The following PLPP7 variants were observed in gnomAD, a reference collection of about 807,000 sequenced individuals.
The protein encoded by PLPP7 is phospholipid phosphatase 7 (inactive), also known as inactive phospholipid phosphatase 7.
A neutral mutation model predicts 16.9 loss-of-function variants in PLPP7; 11 were observed. The observed-to-expected ratio is 0.65, with a 90% CI of 0.41 to 1.08. The LOEUF (loss-of-function observed/expected upper bound fraction) is 1.08, where lower values mean the gene tolerates loss of function less well. Among genes scored for constraint, PLPP7 ranks in the 50% least tolerant of loss-of-function variants. PLPP7 has a pLI of 0.00. For synonymous variants in PLPP7, 174 were observed against 175.1 expected, an observed-to-expected ratio of 0.99 and a Z score of 0.05; for missense variants, 358 against 397.1, an observed-to-expected ratio of 0.90 and a Z score of 0.84.
Position 131,297,628 on chromosome 9 carries a change from C to A in PLPP7, c.451+7180C>A, listed in dbSNP as rs12342321. On this transcript the variant is annotated intron_variant, in intron 1 of 1. Transcript: ENST00000372264. ...CTCGAACTCCTGAGCTCAAGCTATCCGCCTGCCACCGCCTCCCAAAGTGCT... is the reference window on the plus strand; with the variant it reads ...CTCGAACTCCTGAGCTCAAGCTATCAGCCTGCCACCGCCTCCCAAAGTGCT... Among the ~76,000 whole-genome samples the A allele has an allele frequency of 3.5e-3, 528 of 152,270 alleles. 6 individuals are homozygous for A. The highest frequency in any genetic ancestry group is 0.012 in the African/African-American group (501 of 41,554).
At position 131,305,865 on chromosome 9, in the gene PLPP7, G is replaced by A. The variant is rs566986173; in HGVS notation, c.452-2058G>A. Among the ~76,000 whole-genome samples, 159 of 152,250 alleles carry A rather than the reference G, an allele frequency of 1.0e-3. 3 individuals carry two copies. The highest frequency in any genetic ancestry group is 3.3e-3 in the African/African-American group (139 of 41,560). On this transcript the variant is annotated intron_variant, in intron 1 of 1. Transcript: ENST00000372264. Reference sequence around the variant, plus strand: ...GCTAGTCTCGGACTCCTGGGCTCAAGCAATATGCTCATCTCAGCCTCCCAA... The same window carrying A: ...GCTAGTCTCGGACTCCTGGGCTCAAACAATATGCTCATCTCAGCCTCCCAA...
At chr9:131,303,826 G>A (rs1432582659) in intron 1 of PLPP7, among the ~76,000 whole-genome samples, 1 of 152,158 alleles carries the variant, frequency 6.6e-6, no homozygotes. Context: ...CGTCTCACAG[G>A]TGAGGAAAGT....
rs916068881 is a variant in PLPP7 at position 131,295,126 on chromosome 9, T to A, written c.451+4678T>A. 2.0e-5 allele frequency among the ~76,000 whole-genome samples: 3 copies of A among 151,296 alleles called. No individual in the cohort carries two copies. The highest frequency in any genetic ancestry group is 3.0e-5 in the Non-Finnish European group (2 of 67,780). On this transcript the variant is annotated intron_variant, in intron 1 of 1. Transcript: ENST00000372264. The surrounding 1 kb of genome is among the most constrained non-coding windows in gnomAD (Gnocchi z 4.0). The stretch of plus-strand genomic sequence containing the variant: ...TGAGACTCTGTCTAAAAAAAAAGTA[T>A]CTTTATTGAGATTTTCCTGAATATG...
chr9:131,302,218 C>T (rs561171522), intron 1 of PLPP7, among the ~76,000 whole-genome samples: 76 of 152,284 alleles, frequency 5.0e-4, no homozygotes, highest in Non-Finnish European at 6.2e-4. Flanking sequence ...ACCTGTGACT[C>T]CAGAGCCTTC....
intron 1 of PLPP7, among the ~76,000 whole-genome samples, chr9:131,294,493 A>C (rs1226427017): frequency 2.0e-5 from 3 of 152,052 alleles, no homozygotes; most frequent in Non-Finnish European, 2.9e-5. Context: ...CCCGAGCAGC[A>C]CCCAGCTTGA....
At chr9:131,291,896 T>G (rs1352628459) in intron 1 of PLPP7, among the ~76,000 whole-genome samples, 1 of 152,234 alleles carries the variant, frequency 6.6e-6, no homozygotes, top group Non-Finnish European at 1.5e-5. Flanking sequence ...TTCTTGTTCT[T>G]ATTACTAAAT....
rs139765954 is a variant in PLPP7 at position 131,308,032 on chromosome 9, C to G, written c.561C>G (p.Tyr187Ter). The G allele has an allele frequency of 1.2e-6, 2 of 1,601,138 alleles. No homozygotes were observed. Among genetic ancestry groups the G allele is most frequent in the Non-Finnish European group, 1.7e-6 (2 of 1,179,874 alleles). ...TGGACTACCTCACCATGGACATCTACGCCTTCCCGGCCGGGCACGCCAGCC... is the reference window on the plus strand; with the variant it reads ...TGGACTACCTCACCATGGACATCTAGGCCTTCCCGGCCGGGCACGCCAGCC... ...SLLDYLTMDI[Y>*]AFPAGHASRA... Residue 187 changes from tyrosine to a stop codon, truncating the protein, a stop_gained, in exon 2 of 2, where the codon TAC becomes TAG. Coordinates refer to ENST00000372264, the MANE Select transcript of PLPP7 (RefSeq NM_032728.4). LOFTEE classifies it high-confidence loss of function.
Position 131,308,406 on chromosome 9 carries a change from C to T in PLPP7, c.*119C>T. On this transcript the variant is annotated 3_prime_UTR_variant, in exon 2 of 2. Coordinates refer to ENST00000372264, the MANE Select transcript of PLPP7 (RefSeq NM_032728.4). ...CGGCCAGGAGTCAGAGCGGCCACCC[C>T]CACCTCATCTTCCCCTCCTGGCTGG... The T allele has an allele frequency of 1.4e-6, 2 of 1,409,440 alleles. No individual in the cohort carries two copies. Among genetic ancestry groups the T allele is most frequent in the South Asian group, 1.5e-5 (1 of 66,844 alleles). 87.3% of individuals were successfully genotyped at this position (1,409,440 alleles called of 1,614,324 possible). A position where few individuals can be genotyped will look rare whatever the true frequency, so the allele number is the denominator to read the frequency against.
chr9:131,297,613 T>C (rs1196984333), intron 1 of PLPP7, among the ~76,000 whole-genome samples: 2 of 152,148 alleles, frequency 1.3e-5, no homozygotes, highest in African/African-American at 4.8e-5. Context: ...CTCGAACTCC[T>C]GAGCTCAAGC....
At chr9:131,300,682 A>G (rs563272689) in intron 1 of PLPP7, among the ~76,000 whole-genome samples, 56 of 148,976 alleles carry the variant, frequency 3.8e-4, no homozygotes, top group African/African-American at 1.3e-3. Flanking sequence ...ACACTGTCTC[A>G]AAAGCAGAAA....
At chr9:131,305,232 G>A (rs12552691) in intron 1 of PLPP7, among the ~76,000 whole-genome samples, 1 of 152,294 alleles carries the variant, frequency 6.6e-6, no homozygotes, top group Non-Finnish European at 1.5e-5. Context: ...CAAACAACTC[G>A]ATAGCCATCA....
At chr9:131,299,578 G>A (rs555620516) in intron 1 of PLPP7, among the ~76,000 whole-genome samples, 48 of 152,294 alleles carry the variant, frequency 3.2e-4, no homozygotes, top group African/African-American at 1.1e-3. Context: ...GGCTCTGTTG[G>A]AGAGCTGCCC....
intron 1 of PLPP7, chr9:131,292,868 C>T (rs982869656): frequency 5.2e-5 from 51 of 985,226 alleles, no homozygotes; most frequent in Non-Finnish European, 6.1e-5. Flanking sequence ...AGGCTTCAGG[C>T]TCATTCCAGC....
chr9:131,296,366 C>G (rs778348071), intron 1 of PLPP7, among the ~76,000 whole-genome samples: 2 of 152,134 alleles, frequency 1.3e-5, no homozygotes, highest in Non-Finnish European at 2.9e-5. Flanking sequence ...CAGGTTCAAG[C>G]AATTCTCCTG....
chr9:131,295,917 C>T lies in PLPP7; in HGVS notation c.451+5469C>T, dbSNP rs763226869. Among the ~76,000 whole-genome samples the T allele has an allele frequency of 1.3e-5, 2 of 152,308 alleles. No individual in the cohort carries two copies. Among genetic ancestry groups the T allele is most frequent in the African/African-American group, 2.4e-5 (1 of 41,558 alleles). ...TCCATTCGTGCACCCATGGACACTT[C>T]GGTTGCTTCCACATTTTAGCTGTTC... On this transcript the variant is annotated intron_variant, in intron 1 of 1. Coordinates refer to ENST00000372264, the MANE Select transcript of PLPP7 (RefSeq NM_032728.4). The surrounding 1 kb of genome is among the most constrained non-coding windows in gnomAD (Gnocchi z 4.0).
intron 1 of PLPP7, among the ~76,000 whole-genome samples, chr9:131,292,445 G>A (rs1835688970): frequency 6.6e-6 from 1 of 152,222 alleles, no homozygotes; most frequent in South Asian, 2.1e-4. Context: ...ATAACCCATG[G>A]AGCTTGGTGC....
At chr9:131,303,634 T>C (rs2131219681) in intron 1 of PLPP7, among the ~76,000 whole-genome samples, 1 of 152,282 alleles carries the variant, frequency 6.6e-6, no homozygotes, top group African/African-American at 2.4e-5. Flanking sequence ...CCAGCCCTCC[T>C]GGTGGGCCAG....
chr9:131,291,346 A>G (rs1048028480), intron 1 of PLPP7: 8 of 1,186,374 alleles, frequency 6.7e-6, no homozygotes, highest in South Asian at 1.5e-5. Context: ...CAAGGCAAAC[A>G]TTAACAAGGG....
rs532094906 is a variant in PLPP7 at position 131,291,319 on chromosome 9, G to A, written c.451+871G>A. 369 of 1,205,364 alleles carry A rather than the reference G, an allele frequency of 3.1e-4. 6 individuals carry two copies. The South Asian group carries it at 5.1e-3, about 17-fold the overall frequency. The allele number at this position is 1,205,364 out of a possible 1,614,324, so 74.7% of individuals were successfully genotyped here. On this transcript the variant is annotated intron_variant, in intron 1 of 1. Transcript: ENST00000372264. ...TGTGGCCATCATTTGAGGGACATGT[G>A]AGGTGGAGGTCTCAGGCAAGGCAAA...
Sources: gnomAD v4.1 joint callset for allele counts (sites outside exome capture counted in the v4.1 genomes callset) on GRCh38, gnomAD v4.1.1 for gene constraint, Gnocchi (gnomAD v3.1) non-coding constraint, MANE v1.5 for transcripts, NCBI Gene and HGNC (gene_info 2026-07-23, HGNC 2026-07-21) for gene names.